The following CCDC171 variants were observed in gnomAD, a reference collection of about 807,000 sequenced individuals.
CCDC171 encodes coiled-coil domain-containing protein 171.
Under a neutral mutation model 168.2 loss-of-function variants are expected in CCDC171, and 177 were observed. The observed-to-expected ratio is 1.05, with a 90% CI of 0.93 to 1.19. CCDC171 has a LOEUF of 1.19. CCDC171 is among the 50% of genes most tolerant of loss of function. CCDC171 has a pLI of 0.00. For synonymous variants in CCDC171, 687 were observed against 540.8 expected, an observed-to-expected ratio of 1.27 and a Z score of -3.75; for missense variants, 1,991 against 1,539.0, an observed-to-expected ratio of 1.29 and a Z score of -4.91.
chr9:15,811,808 A>G (rs1188152696), intron 21 of CCDC171, among the ~76,000 whole-genome samples: 1 of 152,224 alleles, frequency 6.6e-6, no homozygotes, highest in South Asian at 2.1e-4. Flanking sequence ...TCATGAGTGA[A>G]TACAGAAATG....
chr9:15,668,356 T>G (rs969248645), intron 9 of CCDC171, among the ~76,000 whole-genome samples: 16 of 152,316 alleles, frequency 1.1e-4, no homozygotes, highest in Admixed American at 2.0e-4. Context: ...GTTTTTTTCC[T>G]TAAGTTTTGT....
chr9:15,783,973 A>T (rs2057802457), intron 20 of CCDC171, among the ~76,000 whole-genome samples: 1 of 152,186 alleles, frequency 6.6e-6, no homozygotes, highest in Non-Finnish European at 1.5e-5. Context: ...GGGTGTGGAC[A>T]GGCAATAAAA....
At chr9:15,893,997 T>C (rs931832846) in intron 24 of CCDC171, among the ~76,000 whole-genome samples, 29 of 152,304 alleles carry the variant, frequency 1.9e-4, no homozygotes, top group African/African-American at 7.0e-4. Context: ...TGTAGCACTG[T>C]TCACAATAGT....
chr9:15,843,096 A>C (rs947665184), intron 21 of CCDC171, among the ~76,000 whole-genome samples: 1 of 152,048 alleles, frequency 6.6e-6, no homozygotes, highest in Admixed American at 6.6e-5. Flanking sequence ...AATCAAATGT[A>C]AGTATTTTCT....
At chr9:15,971,562 G>C (rs1355967209) in intron 25 of CCDC171, 47 bp from the exon 26 acceptor site, 1 of 1,335,788 alleles carries the variant, frequency 7.5e-7, no homozygotes, top group South Asian at 1.2e-5. Flanking sequence ...CTCTATTTGA[G>C]AGTTTTCAAC....
intron 10 of CCDC171, among the ~76,000 whole-genome samples, chr9:15,683,809 C>G (rs1470930849): frequency 6.6e-6 from 1 of 151,838 alleles, no homozygotes; most frequent in Admixed American, 6.6e-5. Context: ...AGACAGAGAG[C>G]AAGAGATTGC....
At chr9:15,909,856 G>A (rs1015850454) in intron 24 of CCDC171, among the ~76,000 whole-genome samples, 11 of 152,074 alleles carry the variant, frequency 7.2e-5, no homozygotes, top group African/African-American at 2.7e-4. Context: ...TATTTAGGAG[G>A]TACAAATGCA....
chr9:15,869,369 T>A (rs1380187779), intron 23 of CCDC171, among the ~76,000 whole-genome samples: 2 of 151,976 alleles, frequency 1.3e-5, no homozygotes, highest in Non-Finnish European at 2.9e-5. Flanking sequence ...TGATGCTTCC[T>A]CCTATCACTG....
At chr9:15,594,612 C>T (rs1022518294) in intron 6 of CCDC171, among the ~76,000 whole-genome samples, 1 of 151,994 alleles carries the variant, frequency 6.6e-6, no homozygotes, top group East Asian at 1.9e-4. Context: ...ACGCAGAATC[C>T]CCGAGGCTTC....
the CCDC171 span, among the ~76,000 whole-genome samples, chr9:16,079,446 A>C: frequency 2.6e-5 from 4 of 152,218 alleles, no homozygotes; most frequent in Non-Finnish European, 1.5e-5. Context: ...ACAATTATTC[A>C]CTTAGAGAGA....
intron 8 of CCDC171, among the ~76,000 whole-genome samples, chr9:15,661,792 A>T (rs2048342471): frequency 6.6e-6 from 1 of 152,184 alleles, no homozygotes; most frequent in African/African-American, 2.4e-5. Context: ...ACCATTTGTG[A>T]TTGAGTGTGC....
At chr9:15,559,565 T>G (rs1047102329) in intron 1 of CCDC171, among the ~76,000 whole-genome samples, 2 of 152,148 alleles carry the variant, frequency 1.3e-5, no homozygotes, top group Non-Finnish European at 2.9e-5. Flanking sequence ...CCTGGCTTTT[T>G]TTTGTTTTCC....
intron 1 of CCDC171, among the ~76,000 whole-genome samples, chr9:15,555,078 A>G (rs1458986291): frequency 6.6e-6 from 1 of 152,208 alleles, no homozygotes; most frequent in Non-Finnish European, 1.5e-5. Flanking sequence ...ATTTTTTACC[A>G]GTAGTGGCTC....
chr9:16,014,244 C>G (rs1465932325), intron 3 of CCDC171, among the ~76,000 whole-genome samples: 1 of 152,230 alleles, frequency 6.6e-6, no homozygotes, highest in African/African-American at 2.4e-5. Flanking sequence ...CCATTCTTCG[C>G]TCATCCATAA....
intron 24 of CCDC171, among the ~76,000 whole-genome samples, chr9:15,900,270 G>T (rs1891209): frequency 0.85 from 128,893 of 152,192 alleles, 54,685 homozygotes; most frequent in East Asian, 0.96. Flanking sequence ...GTTCTTCTGA[G>T]GGACTGGAGG....
chr9:15,657,119 G>A lies in CCDC171; in HGVS notation c.823-8G>A, dbSNP rs771137832. The A allele has an allele frequency of 1.9e-6, 3 of 1,541,784 alleles. No individual in the cohort carries two copies. The highest frequency in any genetic ancestry group is 2.3e-5 in the South Asian group (2 of 85,656). On this transcript the variant is annotated splice_polypyrimidine_tract_variant and splice_region_variant and intron_variant, in intron 7 of 25. Coordinates refer to ENST00000380701, the MANE Select transcript of CCDC171 (RefSeq NM_173550.4). ...GTTTATGAATTTAAACTTTTAATTT[G>A]TTTTCAGGCAACTACTCTAAGAGTG...
intron 6 of CCDC171, among the ~76,000 whole-genome samples, chr9:15,605,727 T>A: frequency 1.3e-5 from 2 of 150,876 alleles, no homozygotes. Flanking sequence ...TTTAGGGAAA[T>A]TTAAAAGCAA....
intron 24 of CCDC171, among the ~76,000 whole-genome samples, chr9:15,890,533 T>TTTG (rs1341245238): frequency 1.3e-5 from 2 of 149,960 alleles, no homozygotes; most frequent in African/African-American, 4.9e-5. Flanking sequence ...TTGGTAAGGT[T>TTTG]TTTTTTTTTT....
upstream of CCDC171, among the ~76,000 whole-genome samples, chr9:16,037,962 A>T (rs1010749605): frequency 3.3e-5 from 5 of 152,338 alleles, no homozygotes; most frequent in South Asian, 6.2e-4. Context: ...ACAGTAAGTC[A>T]TGAGCTGAAT....
Sources: allele counts gnomAD v4.1 joint callset (sites outside exome capture counted in the v4.1 genomes callset), GRCh38; gene constraint gnomAD v4.1.1; transcripts MANE v1.5; gene names NCBI Gene and HGNC (gene_info 2026-07-23, HGNC 2026-07-21).